PUS1: variants seen among roughly 807,000 people sequenced by gnomAD.
PUS1 encodes the protein pseudouridine synthase 1.
In PUS1, 25 loss-of-function variants were observed where a neutral mutation model predicts 38.5. That is an observed-to-expected ratio of 0.65 (90% CI 0.47 to 0.91). PUS1 has a LOEUF of 0.91. Among genes scored for constraint, PUS1 ranks in the 40% least tolerant of loss-of-function variants. The probability of loss-of-function intolerance (pLI) is 0.00; values close to 1 mark genes in which losing one functional copy is unlikely to be tolerated. For missense variants in PUS1, 597 were observed against 612.3 expected, an observed-to-expected ratio of 0.97 and a Z score of 0.26; for synonymous variants, 282 against 260.4, an observed-to-expected ratio of 1.08 and a Z score of -0.80.
chr12:131,941,206 TG>T lies in PUS1; in HGVS notation c.545-82del. 1 of 1,210,554 alleles carries T rather than the reference TG, an allele frequency of 8.3e-7. No homozygotes were observed. Among genetic ancestry groups the T allele is most frequent in the Non-Finnish European group, 1.2e-6 (1 of 832,722 alleles). The allele number at this position is 1,210,554 out of a possible 1,614,324, so 75.0% of individuals were successfully genotyped here. ...GTCGGTGCTCTGGGTAAGGAGACGCTGGGGCTCACGCCGTGCTCAGGCTGCT... is the reference window on the plus strand; with the variant it reads ...GTCGGTGCTCTGGGTAAGGAGACGCTGGGCTCACGCCGTGCTCAGGCTGCT... On this transcript the variant is annotated intron_variant, in intron 4 of 5. Transcript: ENST00000376649. This position sits in a 1 kb window ranked among gnomAD's most constrained non-coding sequence, Gnocchi z 4.4.
chr12:131,936,243 C>A (rs938364502), intron 3 of PUS1, among the ~76,000 whole-genome samples: 9 of 151,334 alleles, frequency 5.9e-5, no homozygotes, highest in African/African-American at 2.2e-4. Context: ...AAATATAATT[C>A]ACTCTTGTAC....
In PUS1 at chr12:131,929,717, C is replaced by T. The variant is rs1448490528; in HGVS notation, c.-6C>T. On this transcript the variant is annotated 5_prime_UTR_variant, in exon 1 of 6. Transcript: ENST00000376649. The stretch of plus-strand genomic sequence containing the variant: ...GGGCGGGGTCGGGTGCACTGGTAGC[C>T]TGCGCATGGGCCTCCAGCTTCGCGC... 8 of 1,585,406 alleles carry T rather than the reference C, an allele frequency of 5.0e-6. No homozygotes were observed. Among genetic ancestry groups the T allele is most frequent in the Admixed American group, 1.7e-5 (1 of 58,690 alleles).
Position 131,932,087 on chromosome 12 carries a change from G to A in PUS1, c.304-88G>A, listed in dbSNP as rs921527469. On this transcript the variant is annotated intron_variant, in intron 2 of 5. Coordinates refer to ENST00000376649, the MANE Select transcript of PUS1 (RefSeq NM_025215.6). ...GCACTTCAGGAGGCCAGAGGAGTAA[G>A]CGGCCAGGAGTTCGAGACCAGCCTG... 1.4e-5 allele frequency: 16 copies of A among 1,155,668 alleles called. No individual in the cohort carries two copies. In the African/African-American group the frequency reaches 2.0e-4, roughly 14 times the overall value. The allele number at this position is 1,155,668 out of a possible 1,614,324, so 71.6% of individuals were successfully genotyped here.
At chr12:131,931,035 C>T (rs1890578187) in intron 2 of PUS1, among the ~76,000 whole-genome samples, 1 of 152,218 alleles carries the variant, frequency 6.6e-6, no homozygotes, top group Admixed American at 6.5e-5. Context: ...CTTTAAACAT[C>T]TTTAAACATT....
intron 3 of PUS1, chr12:131,934,989 G>C: frequency 6.6e-6 from 1 of 152,334 alleles, no homozygotes; most frequent in African/African-American, 2.4e-5. Context: ...TGGAGCCGTC[G>C]TACAGAGGGG....
chr12:131,944,511 C>CA lies in PUS1; in HGVS notation c.*935dup, dbSNP rs757212852. On this transcript the variant is annotated 3_prime_UTR_variant, in exon 6 of 6. Transcript: ENST00000376649. The stretch of plus-strand genomic sequence containing the variant: ...CCTGGGTGAGAGAGCCAAACTCCGT[C>CA]AAAAAAAAAACAACAAAAAAACCCA... The CA allele has an allele frequency of 4.3e-3, 625 of 146,938 alleles. 1 individual carries two copies. The highest frequency in any genetic ancestry group is 8.6e-3 in the South Asian group (40 of 4,636). 9.1% of individuals were successfully genotyped at this position (146,938 alleles called of 1,614,324 possible). A position where few individuals can be genotyped will look rare whatever the true frequency, so the allele number is the denominator to read the frequency against.
chr12:131,942,623 G>A (rs1234032191), intron 5 of PUS1, among the ~76,000 whole-genome samples: 6 of 152,136 alleles, frequency 3.9e-5, no homozygotes, highest in Non-Finnish European at 8.8e-5. Flanking sequence ...AGCCAGGATG[G>A]TCTTGATCTC....
rs1178105654 is a variant in PUS1 at position 131,942,022 on chromosome 12, G to T, written c.1236+39G>T. 4 of 1,546,312 alleles carry T rather than the reference G, an allele frequency of 2.6e-6. 1 individual carries two copies. The South Asian group carries it at 4.6e-5, about 18-fold the overall frequency. ...CCCAGCAGTGCTCAGCAGAACACAG[G>T]CCCACATTGTTCCCATTGTACAGAG... On this transcript the variant is annotated intron_variant, in intron 5 of 5. Coordinates refer to ENST00000376649, the MANE Select transcript of PUS1 (RefSeq NM_025215.6).
At chr12:131,939,971 C>G (rs987591761) in intron 4 of PUS1, among the ~76,000 whole-genome samples, 9 of 152,012 alleles carry the variant, frequency 5.9e-5, no homozygotes, top group African/African-American at 1.9e-4. Context: ...TCTCTGTTTT[C>G]TTTTCCTTTT....
chr12:131,943,546 G>C lies in PUS1; in HGVS notation c.1244G>C (p.Ser415Thr). 1 of 1,613,704 alleles carries C rather than the reference G, an allele frequency of 6.2e-7. No homozygotes were observed. The change falls in exon 6 of 6, where the codon AGT becomes ACT. Residue 415 changes from serine to threonine, a missense_variant. Physicochemically the swap from Ser to Thr is moderately conservative, Grantham distance 58 (BLOSUM62 1). Transcript: ENST00000376649. ...TAGGTGAKVP[S>T]PLEGSEGDGD... ...TGTGGTCTTCTTCTGCAGGTGCCCA[G>C]TCCCCTGGAAGGCAGTGAAGGGGAC...
In PUS1 at chr12:131,929,567, G is replaced by C. The variant is rs1436111119; in HGVS notation, c.-156G>C. 8.2e-5 allele frequency: 50 copies of C among 607,508 alleles called. No individual in the cohort carries two copies. The highest frequency in any genetic ancestry group is 1.1e-4 in the Non-Finnish European group (42 of 368,084). 37.6% of individuals were successfully genotyped at this position (607,508 alleles called of 1,614,324 possible). A position where few individuals can be genotyped will look rare whatever the true frequency, so the allele number is the denominator to read the frequency against. On this transcript the variant is annotated 5_prime_UTR_variant, in exon 1 of 6. Coordinates refer to ENST00000376649, the MANE Select transcript of PUS1 (RefSeq NM_025215.6). ...GAGAGGTCAGGGGTCAGCTGGAGAG[G>C]GGCTGGGGCGCCGGTTTCCCGGAGG...
rs149011160 is a variant in PUS1, at chr12:131,932,217, T to A, written c.346T>A (p.Leu116Met). 2.4e-5 allele frequency: 39 copies of A among 1,614,118 alleles called. No individual in the cohort carries two copies. Among genetic ancestry groups the A allele is most frequent in the Non-Finnish European group, 3.1e-5 (37 of 1,179,934 alleles). ...ACAATTCAAAACAATTGAAGATGAC[T>A]TGGTGTCCGCCCTCGTCCGGTCAGG... ...SSQFKTIEDD[L>M]VSALVRSGCI... Residue 116 changes from leucine (L) to methionine (M), a missense_variant, in exon 3 of 6, where the codon TTG becomes ATG. Coordinates refer to ENST00000376649, the MANE Select transcript of PUS1 (RefSeq NM_025215.6).
At chr12:131,938,976 C>T (rs1238887409) in intron 3 of PUS1, among the ~76,000 whole-genome samples, 197 bp from the exon 4 acceptor site, 4 of 152,194 alleles carry the variant, frequency 2.6e-5, no homozygotes, top group Non-Finnish European at 4.4e-5. Flanking sequence ...CTCCTGACCT[C>T]GTGATCCACC....
chr12:131,932,560 G>A, intron 3 of PUS1: 1 of 583,646 alleles, frequency 1.7e-6, no homozygotes, highest in Non-Finnish European at 3.1e-6. Flanking sequence ...TGTTGATTCT[G>A]TTCTCAGGGA....
chr12:131,942,282 T>C (rs1422271893), intron 5 of PUS1, among the ~76,000 whole-genome samples: 1 of 152,200 alleles, frequency 6.6e-6, no homozygotes, highest in Non-Finnish European at 1.5e-5. Context: ...AGCTGCGGAA[T>C]GTAGCTTAGA....
At chr12:131,933,483 C>T (rs1890699056) in intron 3 of PUS1, among the ~76,000 whole-genome samples, 1 of 152,256 alleles carries the variant, frequency 6.6e-6, no homozygotes, top group South Asian at 2.1e-4. Flanking sequence ...AAATCCACCA[C>T]CCTGGACCTG....
chr12:131,937,247 C>T (rs1890871265), intron 3 of PUS1, among the ~76,000 whole-genome samples: 1 of 152,104 alleles, frequency 6.6e-6, no homozygotes, highest in African/African-American at 2.4e-5. Flanking sequence ...AAGAATAATG[C>T]CATGATTCTT....
rs540289910 is a variant in PUS1 at position 131,942,875 on chromosome 12, G to A, written c.1237-664G>A. 5.9e-5 allele frequency among the ~76,000 whole-genome samples: 9 copies of A among 152,368 alleles called. No individual in the cohort carries two copies. In the South Asian group the frequency reaches 1.9e-3, roughly 32 times the overall value. On this transcript the variant is annotated intron_variant, in intron 5 of 5. Transcript: ENST00000376649. ...AGGCCCCAGGGAGGTAAGGTGGGCAGGCGAGGGGCCAGGCACCTGGCGAGC... is the reference window on the plus strand; with the variant it reads ...AGGCCCCAGGGAGGTAAGGTGGGCAAGCGAGGGGCCAGGCACCTGGCGAGC...
At chr12:131,939,417 C>G (rs768853191) in intron 4 of PUS1, 142 bp downstream of exon 4, 77 of 700,058 alleles carry the variant, frequency 1.1e-4, no homozygotes, top group Non-Finnish European at 1.8e-4. Flanking sequence ...TTCTGACCTT[C>G]AGAAACGGGA....
Sources: allele counts gnomAD v4.1 joint callset (sites outside exome capture counted in the v4.1 genomes callset), GRCh38; gene constraint gnomAD v4.1.1; non-coding constraint Gnocchi (gnomAD v3.1); transcripts MANE v1.5; gene names NCBI Gene and HGNC (gene_info 2026-07-23, HGNC 2026-07-21).